MED13L: variants seen among roughly 807,000 people sequenced by gnomAD.
MED13L encodes the protein mediator of RNA polymerase II transcription subunit 13-like.
MED13L carries 7 observed loss-of-function variants against 220.9 expected under a neutral mutation model. That is an observed-to-expected ratio of 0.03 (90% confidence interval 0.02 to 0.06). MED13L has a LOEUF of 0.06. Ranked by LOEUF, MED13L falls within the 10% of genes least tolerant of loss-of-function variation. The probability of loss-of-function intolerance (pLI) is 1.00; values close to 1 mark genes in which losing one functional copy is unlikely to be tolerated. For synonymous variants in MED13L, 1,011 were observed against 1,015.2 expected, an observed-to-expected ratio of 1.00 and a Z score of 0.08; for missense variants, 1,965 against 2,760.5, an observed-to-expected ratio of 0.71 and a Z score of 6.46.
intron 25 of MED13L, among the ~76,000 whole-genome samples, chr12:115,974,042 T>TTA (rs1876767944): frequency 6.9e-6 from 1 of 145,256 alleles, no homozygotes; most frequent in Non-Finnish European, 1.5e-5. Context: ...GAATTTCCTA[T>TTA]AAAAAAAAAA....
chr12:116,030,871 C>T (rs1436573383), intron 4 of MED13L, among the ~76,000 whole-genome samples: 1 of 152,150 alleles, frequency 6.6e-6, no homozygotes, highest in Non-Finnish European at 1.5e-5. Flanking sequence ...CATCCACCCA[C>T]TTCAATACCA....
chr12:116,228,898 T>C lies in MED13L; in HGVS notation c.310+8570A>G, dbSNP rs75940396. On this transcript the variant is annotated intron_variant, in intron 2 of 30. Transcript: ENST00000281928. ...TTTTGCTAAGCAAACAAAAAAACCC[T>C]TTACCTATATCACTATGCCATCTTA... Among the ~76,000 whole-genome samples the C allele has an allele frequency of 1.7e-3, 257 of 152,296 alleles. 2 individuals carry two copies. The East Asian group carries it at 0.029, about 17-fold the overall frequency.
intron 2 of MED13L, among the ~76,000 whole-genome samples, chr12:116,200,871 A>C (rs1225468851): frequency 6.6e-6 from 1 of 152,200 alleles, no homozygotes; most frequent in Non-Finnish European, 1.5e-5. Context: ...GACATAGTAG[A>C]TCGGGTAGCT....
chr12:115,995,281 T>C (rs1878327045), intron 16 of MED13L, among the ~76,000 whole-genome samples: 1 of 152,200 alleles, frequency 6.6e-6, no homozygotes, highest in Admixed American at 6.5e-5. Flanking sequence ...CCAACTCTTT[T>C]GCATTTACCC....
At chr12:116,101,228 T>C (rs117619731) in intron 3 of MED13L, among the ~76,000 whole-genome samples, 1 of 152,368 alleles carries the variant, frequency 6.6e-6, no homozygotes, top group Non-Finnish European at 1.5e-5. Flanking sequence ...GATTAAGTTC[T>C]ACAGCTTTAT....
chr12:116,122,887 A>C (rs1875220290), intron 2 of MED13L, among the ~76,000 whole-genome samples: 1 of 152,138 alleles, frequency 6.6e-6, no homozygotes, highest in African/African-American at 2.4e-5. Flanking sequence ...CATAAAACTA[A>C]ATTTCGAGAT....
rs562268564 is a variant in MED13L at position 115,970,272 on chromosome 12, T to C, written c.6067+322A>G. 5.9e-5 allele frequency among the ~76,000 whole-genome samples: 9 copies of C among 152,346 alleles called. No individual in the cohort carries two copies. In the East Asian group the frequency reaches 1.7e-3, roughly 29 times the overall value. On this transcript the variant is annotated intron_variant, in intron 27 of 30. Coordinates refer to ENST00000281928, the MANE Select transcript of MED13L (RefSeq NM_015335.5). ...TTCATATTGCTTAGTACTTCACACA[T>C]TTCAAATCACATCAGCAAATATTTA... is the stretch of plus-strand genomic sequence containing the variant.
chr12:116,268,802 T>C (rs1218409591), intron 1 of MED13L, among the ~76,000 whole-genome samples: 2 of 152,250 alleles, frequency 1.3e-5, no homozygotes, highest in African/African-American at 4.8e-5. Flanking sequence ...GAAACAAGTC[T>C]GTCACTCCAA....
chr12:115,971,137 C>T (rs1176281665), intron 26 of MED13L, among the ~76,000 whole-genome samples: 1 of 152,064 alleles, frequency 6.6e-6, no homozygotes. Flanking sequence ...GAGATAGGAC[C>T]ATAAAATCAA....
Position 115,975,914 on chromosome 12 carries a change from T to C in MED13L, c.5365-176A>G, listed in dbSNP as rs1177340855. On this transcript the variant is annotated intron_variant, in intron 23 of 30. Coordinates refer to ENST00000281928, the MANE Select transcript of MED13L (RefSeq NM_015335.5). ...GTACTGAGGACACATAACAAAATGA[T>C]TGTTTAAATCATGTAAGCTGGGAAA... 6.6e-5 allele frequency among the ~76,000 whole-genome samples: 10 copies of C among 152,154 alleles called. No homozygotes were observed. In the South Asian group the frequency reaches 8.3e-4, roughly 13 times the overall value.
At chr12:116,133,568 C>G (rs545203619) in intron 2 of MED13L, among the ~76,000 whole-genome samples, 5 of 152,264 alleles carry the variant, frequency 3.3e-5, no homozygotes, top group Middle Eastern at 3.4e-3. Context: ...TTCGCCCCAT[C>G]TGACAAACAA....
chr12:116,107,037 CA>C (rs1167448342), intron 3 of MED13L, among the ~76,000 whole-genome samples: 1 of 152,048 alleles, frequency 6.6e-6, no homozygotes, highest in Non-Finnish European at 1.5e-5. Context: ...TGTGCTGAGC[CA>C]AAGAACCCTT....
intron 2 of MED13L, among the ~76,000 whole-genome samples, chr12:116,151,061 T>C (rs1877998624): frequency 6.6e-6 from 1 of 151,834 alleles, no homozygotes; most frequent in Non-Finnish European, 1.5e-5. Flanking sequence ...CATCTTATTG[T>C]TAAAAAATGG....
chr12:116,011,014 T>C (rs894145794), intron 9 of MED13L, among the ~76,000 whole-genome samples: 1 of 151,836 alleles, frequency 6.6e-6, no homozygotes, highest in Non-Finnish European at 1.5e-5. Context: ...GCAGCTGGGA[T>C]TACAGACACG....
chr12:116,160,745 CTTTTATT>C (rs1338342142), intron 2 of MED13L, among the ~76,000 whole-genome samples: 6 of 151,122 alleles, frequency 4.0e-5, no homozygotes, highest in East Asian at 1.9e-4. Flanking sequence ...GTTTTTCTTT[CTTTTATT>C]TTTTATTTTT....
chr12:116,033,393 T>C (rs1880976037), intron 4 of MED13L, among the ~76,000 whole-genome samples: 1 of 152,174 alleles, frequency 6.6e-6, no homozygotes, highest in Non-Finnish European at 1.5e-5. Flanking sequence ...AAATAAAAAC[T>C]ATAAAAACTT....
chr12:116,213,795 A>T (rs1298242574), intron 2 of MED13L, among the ~76,000 whole-genome samples: 1 of 152,210 alleles, frequency 6.6e-6, no homozygotes, highest in Non-Finnish European at 1.5e-5. Context: ...ACACATACTG[A>T]TCACTACCAA....
Position 115,984,234 on chromosome 12 carries a change from TCTC to T in MED13L, c.4474_4476del (p.Glu1492del). On this transcript the variant is annotated inframe_deletion, in exon 20 of 31. Coordinates refer to ENST00000281928, the MANE Select transcript of MED13L (RefSeq NM_015335.5). ...AGTTTGAGTCTGGAATGATTGTCAT[TCTC>T]CTCGCCGCTCCAAGGCTGGTTAAAC... The T allele has an allele frequency of 1.2e-6, 2 of 1,613,962 alleles. No individual in the cohort carries two copies. Among genetic ancestry groups the T allele is most frequent in the Non-Finnish European group, 8.5e-7 (1 of 1,179,974 alleles).
chr12:116,121,641 T>A (rs1160677110), intron 2 of MED13L, among the ~76,000 whole-genome samples: 1 of 152,202 alleles, frequency 6.6e-6, no homozygotes, highest in African/African-American at 2.4e-5. Context: ...AAAAGTAGAA[T>A]TACTTTCAAA....
Sources: gnomAD v4.1 joint callset for allele counts (sites outside exome capture counted in the v4.1 genomes callset) on GRCh38, gnomAD v4.1.1 for gene constraint, MANE v1.5 for transcripts, NCBI Gene and HGNC (gene_info 2026-07-23, HGNC 2026-07-21) for gene names.